CLIC5: variants seen among roughly 807,000 people sequenced by gnomAD.
CLIC5 encodes the protein CLIC family member 5.
In CLIC5, 20 loss-of-function variants were observed where a neutral mutation model predicts 24.7. The observed-to-expected ratio is 0.81, with a 90% CI of 0.57 to 1.18. The LOEUF is 1.18. CLIC5 is among the 50% of genes most tolerant of loss of function. The probability of loss-of-function intolerance (pLI) is 0.00; values close to 1 mark genes in which losing one functional copy is unlikely to be tolerated. For missense variants in CLIC5, 341 were observed against 326.1 expected (o/e 1.05, Z -0.35); for synonymous variants, 159 against 135.6 (o/e 1.17, Z -1.20).
intron 2 of CLIC5, among the ~76,000 whole-genome samples, chr6:45,952,141 G>A (rs1173367200): frequency 6.6e-6 from 1 of 152,166 alleles, no homozygotes; most frequent in Non-Finnish European, 1.5e-5. Flanking sequence ...GGTGGTGGTG[G>A]TGGGTTTTTT....
chr6:46,022,319 C>A (rs937643062), intron 1 of CLIC5, among the ~76,000 whole-genome samples: 1 of 152,164 alleles, frequency 6.6e-6, no homozygotes, highest in Non-Finnish European at 1.5e-5. Flanking sequence ...ATGTACCTAG[C>A]AGTACTCAGT....
chr6:46,017,931 A>C (rs139846845), upstream of CLIC5, among the ~76,000 whole-genome samples: 514 of 152,314 alleles, frequency 3.4e-3, no homozygotes, highest in African/African-American at 0.011. Flanking sequence ...CCCAACGTGC[A>C]ACTCTCTTGG....
At chr6:45,938,232 G>A (rs1216417452) in intron 4 of CLIC5, among the ~76,000 whole-genome samples, 1 of 152,230 alleles carries the variant, frequency 6.6e-6, no homozygotes, top group Non-Finnish European at 1.5e-5. Flanking sequence ...AGAGCAGAAA[G>A]GGGATGGACC....
At chr6:46,037,153 C>A (rs1473771047) in intron 1 of CLIC5, among the ~76,000 whole-genome samples, 1 of 152,186 alleles carries the variant, frequency 6.6e-6, no homozygotes, top group East Asian at 1.9e-4. Context: ...CACTGTCATT[C>A]TGGCCGGTGA....
At chr6:45,887,451 C>A (rs1762314325) in intron 6 of CLIC5, among the ~76,000 whole-genome samples, 1 of 152,162 alleles carries the variant, frequency 6.6e-6, no homozygotes. Context: ...TGTAAAGACA[C>A]CAGTCATACT....
At chr6:46,021,409 C>A (rs1216968649) in intron 1 of CLIC5, among the ~76,000 whole-genome samples, 1 of 152,104 alleles carries the variant, frequency 6.6e-6, no homozygotes, top group Non-Finnish European at 1.5e-5. Flanking sequence ...CTATATGGCC[C>A]ACTTACCATC....
chr6:45,997,359 TG>T (rs1466815647), intron 1 of CLIC5, among the ~76,000 whole-genome samples: 2 of 62,628 alleles, frequency 3.2e-5, no homozygotes, highest in East Asian at 1.1e-3. Context: ...TGTTGTGGGG[TG>T]GGGGGAGGGG....
chr6:46,011,751 T>C (rs1336570802), intron 1 of CLIC5, among the ~76,000 whole-genome samples: 1 of 152,216 alleles, frequency 6.6e-6, no homozygotes, highest in Non-Finnish European at 1.5e-5. Flanking sequence ...GCTTTCTGTT[T>C]TGCTTTTACT....
chr6:46,026,894 C>T (rs765613834), intron 1 of CLIC5, among the ~76,000 whole-genome samples: 1 of 151,934 alleles, frequency 6.6e-6, no homozygotes, highest in African/African-American at 2.4e-5. Flanking sequence ...GTTTGAATAA[C>T]CAGAAGACGA....
intron 4 of CLIC5, among the ~76,000 whole-genome samples, chr6:45,922,831 GAGAT>G (rs1404895882): frequency 2.3e-4 from 34 of 147,134 alleles, no homozygotes; most frequent in Admixed American, 5.3e-4. Flanking sequence ...GAAAGAGAGA[GAGAT>G]AGAGAGAGAG....
chr6:45,926,228 CATAT>C (rs10543677), intron 4 of CLIC5, among the ~76,000 whole-genome samples: 3 of 144,066 alleles, frequency 2.1e-5, no homozygotes, highest in Admixed American at 6.9e-5. Context: ...CATACATATA[CATAT>C]ATATATATAT....
intron 2 of CLIC5, among the ~76,000 whole-genome samples, chr6:45,949,923 G>A (rs1764412454): frequency 6.6e-6 from 1 of 152,060 alleles, no homozygotes. Flanking sequence ...GTCTAACATT[G>A]GTCAGCCTTT....
At chr6:46,122,295 C>T in the CLIC5 span, among the ~76,000 whole-genome samples, 49 of 152,200 alleles carry the variant, frequency 3.2e-4, no homozygotes, top group South Asian at 8.7e-3. Context: ...ACCACTCAAC[C>T]ACATGGAAAC....
Position 45,984,874 on chromosome 6 carries a change from C to T in CLIC5, c.64-29630G>A, listed in dbSNP as rs3777602. 2.0e-4 allele frequency among the ~76,000 whole-genome samples: 31 copies of T among 152,320 alleles called. No individual in the cohort carries two copies. In the East Asian group the frequency reaches 5.4e-3, roughly 27 times the overall value. ...CTTCTTTCCCTCCAAAGACATTCAT[C>T]GAGCAGCTCTATGCCTGGAACTGTC... On this transcript the variant is annotated intron_variant, in intron 1 of 5. Coordinates refer to ENST00000339561, the MANE Select transcript of CLIC5 (RefSeq NM_016929.5).
chr6:46,079,661 T>C (rs536255172), intron 1 of CLIC5: 1 of 1,480,724 alleles, frequency 6.8e-7, no homozygotes. Flanking sequence ...CCAGCCATAA[T>C]ATCTGCATGA....
chr6:45,898,638 C>T lies in CLIC5; in HGVS notation c.*4450G>A, dbSNP rs925793163. ...TATTCATCACCATAGTTAAAGGTCT[C>T]GAGAAAATCAAGTAACTATCATTTG... On this transcript the variant is annotated 3_prime_UTR_variant, in exon 6 of 6. Transcript: ENST00000339561. 8.5e-5 allele frequency: 13 copies of T among 152,516 alleles called. No homozygotes were observed. Among genetic ancestry groups the T allele is most frequent in the African/African-American group, 2.7e-4 (11 of 41,412 alleles). 9.4% of individuals were successfully genotyped at this position (152,516 alleles called of 1,614,324 possible).
At chr6:46,079,853 C>T (rs1231222417) in exon 1 of CLIC5, 11 of 1,552,110 alleles carry the variant, frequency 7.1e-6, no homozygotes, top group Non-Finnish European at 7.8e-6. Context: ...CTTCCTTCAT[C>T]ACACTCCCAT....
intron 1 of CLIC5, among the ~76,000 whole-genome samples, chr6:45,972,923 A>C (rs553031360): frequency 6.6e-6 from 1 of 152,364 alleles, no homozygotes; most frequent in East Asian, 1.9e-4. Flanking sequence ...ACTCTTGTTC[A>C]TAGTAATCTG....
chr6:46,076,080 T>C (rs1762759200), intron 1 of CLIC5, among the ~76,000 whole-genome samples: 1 of 152,188 alleles, frequency 6.6e-6, no homozygotes, highest in South Asian at 2.1e-4. Flanking sequence ...CTACAGCCTG[T>C]TATAAAAAGG....
Sources: gnomAD v4.1 joint callset for allele counts (sites outside exome capture counted in the v4.1 genomes callset) on GRCh38, gnomAD v4.1.1 for gene constraint, MANE v1.5 for transcripts, NCBI Gene and HGNC (gene_info 2026-07-23, HGNC 2026-07-21) for gene names.